Variants in NBR1 observed in about 807,000 individuals in gnomAD.
The protein encoded by NBR1 is NBR1 autophagy cargo receptor, also known as next to BRCA1 gene 1 protein.
A neutral mutation model predicts 115.5 loss-of-function variants in NBR1; 59 were observed. The observed-to-expected ratio is 0.51, with a 90% CI of 0.41 to 0.63. NBR1 has a LOEUF of 0.63. Among genes scored for constraint, NBR1 ranks in the 30% least tolerant of loss-of-function variants. The pLI, the probability that NBR1 is intolerant of heterozygous loss-of-function variation, is 0.00. For missense variants in NBR1, 1,043 were observed against 1,150.5 expected, an observed-to-expected ratio of 0.91 and a Z score of 1.35; for synonymous variants, 373 against 414.7, an observed-to-expected ratio of 0.90 and a Z score of 1.22.
intron 16 of NBR1, among the ~76,000 whole-genome samples, chr17:43,197,969 T>C (rs2057107424): frequency 6.6e-6 from 1 of 151,950 alleles, no homozygotes. Context: ...CTGACCGACA[T>C]GGAGAAACCC....
At chr17:43,203,336 C>T (rs1241281869) in intron 19 of NBR1, among the ~76,000 whole-genome samples, 2 of 152,132 alleles carry the variant, frequency 1.3e-5, no homozygotes, top group Non-Finnish European at 2.9e-5. Flanking sequence ...ATCACATTTC[C>T]TTTGCAAGGT....
chr17:43,182,325 C>T (rs1037833120), intron 5 of NBR1, among the ~76,000 whole-genome samples: 2 of 145,194 alleles, frequency 1.4e-5, no homozygotes, highest in Non-Finnish European at 3.0e-5. Flanking sequence ...TCAAGTGAGT[C>T]TCATGCCTCA....
chr17:43,186,584 T>C, intron 6 of NBR1, 140 bp downstream of exon 6: 1 of 708,660 alleles, frequency 1.4e-6, no homozygotes, highest in Non-Finnish European at 2.1e-6. Context: ...GTTTGTTATA[T>C]AGGTATACAT....
At chr17:43,209,375 C>A (rs2057374634) in intron 20 of NBR1, among the ~76,000 whole-genome samples, 1 of 152,086 alleles carries the variant, frequency 6.6e-6, no homozygotes, top group Admixed American at 6.6e-5. Flanking sequence ...CGCACCCAGC[C>A]CCTCTTACCT....
Position 43,193,576 on chromosome 17 carries a change from G to A in NBR1, c.1462G>A (p.Asp488Asn). ...TCCTTTCCCCTCCGAAGAGAGCCCT[G>A]ATAACATTGAAAAGGGCATGATCAG... ...VDPFPSEESP[D>N]NIEKGMISSS... The change falls in exon 12 of 21, where the codon GAT (aspartate) becomes AAT (asparagine). Residue 488 changes from aspartate to asparagine, a missense_variant. Asp to Asn is a conservative substitution (Grantham distance 23). Coordinates refer to ENST00000590996, the MANE Select transcript of NBR1 (RefSeq NM_005899.5). 1 of 1,612,058 alleles carries A rather than the reference G, an allele frequency of 6.2e-7. No individual in the cohort carries two copies. Among genetic ancestry groups the A allele is most frequent in the Non-Finnish European group, 8.5e-7 (1 of 1,179,078 alleles).
At chr17:43,187,778 G>A (rs2056852405) in intron 6 of NBR1, among the ~76,000 whole-genome samples, 2 of 152,074 alleles carry the variant, frequency 1.3e-5, no homozygotes, top group South Asian at 4.2e-4. Flanking sequence ...AAAGTGCTGG[G>A]AGTACAGGTG....
At chr17:43,207,599 A>G (rs1470285619) in intron 20 of NBR1, among the ~76,000 whole-genome samples, 3 of 152,278 alleles carry the variant, frequency 2.0e-5, no homozygotes, top group Admixed American at 6.5e-5. Context: ...CCTCAAAACA[A>G]TCCTCCCACT....
intron 20 of NBR1, among the ~76,000 whole-genome samples, chr17:43,204,363 T>C (rs557393247): frequency 1.1e-4 from 17 of 152,262 alleles, no homozygotes; most frequent in Admixed American, 1.1e-3. Flanking sequence ...GTTGGCACTA[T>C]GGCATGAATA....
Position 43,200,479 on chromosome 17 carries a change from G to A in NBR1, c.2339G>A (p.Gly780Glu), listed in dbSNP as rs756411919. The A allele has an allele frequency of 1.2e-6, 2 of 1,613,660 alleles. No homozygotes were observed. Among genetic ancestry groups the A allele is most frequent in the Non-Finnish European group, 1.7e-6 (2 of 1,179,782 alleles). The change falls in exon 17 of 21, where the codon GGG becomes GAG. Residue 780 changes from glycine (G) to glutamate (E), a missense_variant. Coordinates refer to ENST00000590996, the MANE Select transcript of NBR1 (RefSeq NM_005899.5). ...GCTGGGCAGGAACCAGCTGAGGCTG[G>A]GGAAAGACTCCCTGGAGGGGAGAAC... ...VEAGQEPAEA[G>E]ERLPGGENQP...
intron 5 of NBR1, among the ~76,000 whole-genome samples, chr17:43,184,427 G>A (rs2056753248): frequency 1.5e-5 from 2 of 130,676 alleles, no homozygotes; most frequent in African/African-American, 5.4e-5. Context: ...GTGCAGTGGC[G>A]CCATCTCAGC....
In NBR1 at chr17:43,200,235, G is replaced by C. The variant is rs976846577; in HGVS notation, c.2095G>C (p.Glu699Gln). Residue 699 changes from glutamate to glutamine, a missense_variant, in exon 17 of 21, where the codon GAA (glutamate) becomes CAA (glutamine). Coordinates refer to ENST00000590996, the MANE Select transcript of NBR1 (RefSeq NM_005899.5). ...GGAGATTATCCATATCGCTGAGGAA[G>C]AAGCTGTCATGGAGGAGGAGGAGGA... is the stretch of plus-strand genomic sequence containing the variant. ...KEEIIHIAEE[E>Q]AVMEEEEDEE... 17 of 1,551,836 alleles carry C rather than the reference G, an allele frequency of 1.1e-5. No homozygotes were observed. Among genetic ancestry groups the C allele is most frequent in the Non-Finnish European group, 5.2e-6 (6 of 1,147,040 alleles).
intron 3 of NBR1, 158 bp downstream of exon 3, chr17:43,178,156 T>A (rs2056570427): frequency 1.2e-6 from 1 of 841,580 alleles, no homozygotes. Flanking sequence ...TTGCAGCATC[T>A]GAGATGGAGT....
chr17:43,173,737 G>A (rs1333398650), intron 1 of NBR1, among the ~76,000 whole-genome samples: 1 of 152,158 alleles, frequency 6.6e-6, no homozygotes, highest in Non-Finnish European at 1.5e-5. Context: ...AAAGCGAACT[G>A]ACCTGCTCAC....
Position 43,193,264 on chromosome 17 carries a change from C to T in NBR1, c.1233+11C>T, listed in dbSNP as rs761430435. ...AGTGCAGACACAAAGGTAATTTTTC[C>T]CACAAAATGCAAAGATGAGGTGATT... On this transcript the variant is annotated intron_variant, in intron 11 of 20. Transcript: ENST00000590996. 5.6e-6 allele frequency: 9 copies of T among 1,613,530 alleles called. No individual in the cohort carries two copies. In the Admixed American group the frequency reaches 6.7e-5, roughly 12 times the overall value.
rs1480253389 is a variant in NBR1, at chr17:43,189,702, A to G, written c.595A>G (p.Thr199Ala). The G allele has an allele frequency of 1.2e-6, 2 of 1,613,872 alleles. No homozygotes were observed. Among genetic ancestry groups the G allele is most frequent in the Admixed American group, 3.3e-5 (2 of 59,998 alleles). ...GSCPSEVSMP[T>A]SEETLFLPEN... The stretch of plus-strand genomic sequence containing the variant: ...TTGTCCCTCAGAAGTCTCAATGCCT[A>G]CTTCAGAAGAAACATTGTTTTTGCC... Residue 199 changes from threonine to alanine, a missense_variant, in exon 8 of 21, where the codon ACT becomes GCT. Coordinates refer to ENST00000590996, the MANE Select transcript of NBR1 (RefSeq NM_005899.5).
At chr17:43,202,095 A>C (rs559897634) in intron 18 of NBR1, among the ~76,000 whole-genome samples, 2 of 150,632 alleles carry the variant, frequency 1.3e-5, no homozygotes, top group East Asian at 4.0e-4. Flanking sequence ...CAGGAGAATC[A>C]CATGAACCTG....
At chr17:43,199,702 A>G (rs2057151562) in intron 16 of NBR1, among the ~76,000 whole-genome samples, 1 of 151,582 alleles carries the variant, frequency 6.6e-6, no homozygotes, top group South Asian at 2.1e-4. Context: ...ATCCTTTTTT[A>G]CCCTCTCAAA....
chr17:43,203,056 T>C (rs2057238489), intron 19 of NBR1, among the ~76,000 whole-genome samples: 1 of 151,952 alleles, frequency 6.6e-6, no homozygotes, highest in South Asian at 2.1e-4. Flanking sequence ...CTCAGGAGGC[T>C]GAGGTGGGAG....
At chr17:43,175,568 T>C (rs780034910) in intron 1 of NBR1, among the ~76,000 whole-genome samples, 1 of 152,242 alleles carries the variant, frequency 6.6e-6, no homozygotes, top group Non-Finnish European at 1.5e-5. Context: ...CAAGTCTTTA[T>C]GGCATGGTTT....
Sources: allele counts gnomAD v4.1 joint callset (sites outside exome capture counted in the v4.1 genomes callset), GRCh38; gene constraint gnomAD v4.1.1; transcripts MANE v1.5; gene names NCBI Gene and HGNC (gene_info 2026-07-23, HGNC 2026-07-21).